The following DLST variants were observed in gnomAD, a reference collection of about 807,000 sequenced individuals.
DLST encodes dihydrolipoamide S-succinyltransferase.
Under a neutral mutation model 53.1 loss-of-function variants are expected in DLST, and 17 were observed. The observed-to-expected ratio is 0.32, with a 90% CI of 0.22 to 0.48. The LOEUF is 0.48. Ranked by LOEUF, DLST falls within the 20% of genes least tolerant of loss-of-function variation. The probability of loss-of-function intolerance (pLI) is 0.99; values close to 1 mark genes in which losing one functional copy is unlikely to be tolerated. For synonymous variants in DLST, 206 were observed against 204.8 expected, an observed-to-expected ratio of 1.01 and a Z score of -0.05; for missense variants, 512 against 583.9, an observed-to-expected ratio of 0.88 and a Z score of 1.27.
Position 74,889,140 on chromosome 14 carries a change from T to C in DLST, c.192T>C (p.Ala64=). 1.9e-6 allele frequency: 3 copies of C among 1,614,186 alleles called. No homozygotes were observed. In the South Asian group the frequency reaches 3.3e-5, roughly 18 times the overall value. Residue 64 remains alanine, a synonymous_variant, in exon 4 of 15, where the codon GCT becomes GCC. Transcript: ENST00000334220. ...VFSVRFFRTT[A]VCKDDLVTVK... ...GTGTTCGCTTTTTCAGAACTACAGCTGTATGCAGTAAGTACCTGCTTTCTT... is the reference window on the plus strand; with the variant it reads ...GTGTTCGCTTTTTCAGAACTACAGCCGTATGCAGTAAGTACCTGCTTTCTT...
intron 3 of DLST, among the ~76,000 whole-genome samples, chr14:74,886,311 A>G (rs1473047152): frequency 6.6e-6 from 1 of 152,134 alleles, no homozygotes; most frequent in Non-Finnish European, 1.5e-5. Context: ...TACTTACTCT[A>G]CATCACAATG....
intron 5 of DLST, 95 bp from the exon 6 acceptor site, chr14:74,889,802 A>G (rs1246421746): frequency 1.7e-6 from 2 of 1,203,402 alleles, no homozygotes; most frequent in East Asian, 2.4e-5. Flanking sequence ...CCCTGTAGGA[A>G]AGGGTTCTTA....
At chr14:74,900,103 G>T in intron 12 of DLST, 107 bp downstream of exon 12, 2 of 1,172,010 alleles carry the variant, frequency 1.7e-6, no homozygotes, top group Non-Finnish European at 2.5e-6. Context: ...ATTTTTAGAA[G>T]GGAGTTAGTA....
Position 74,882,004 on chromosome 14 carries a change from C to T in DLST, c.51C>T (p.Ser17=), listed in dbSNP as rs3207434. 1.3e-5 allele frequency: 21 copies of T among 1,572,070 alleles called. No individual in the cohort carries two copies. Among genetic ancestry groups the T allele is most frequent in the Non-Finnish European group, 1.7e-5 (20 of 1,167,436 alleles). ...CVSRAFSRSL[S]AFQKGNCPLG... is the part of the protein sequence containing the mutation. ...CTCGGGCGTTCAGCCGCTCGCTCTC[C>T]GCCTTCCAGAAGGTACGGTCTGGCC... is the stretch of plus-strand genomic sequence containing the variant. Residue 17 remains serine (S), a synonymous_variant, in exon 1 of 15, where the codon TCC becomes TCT. Coordinates refer to ENST00000334220, the MANE Select transcript of DLST (RefSeq NM_001933.5).
intron 7 of DLST, chr14:74,891,592 C>T: frequency 1.0e-6 from 1 of 989,616 alleles, no homozygotes; most frequent in South Asian, 4.6e-5. Context: ...AGTGTTGTTT[C>T]TTTTCACATC....
intron 8 of DLST, 59 bp downstream of exon 8, chr14:74,893,045 A>G: frequency 6.4e-7 from 1 of 1,550,642 alleles, no homozygotes; most frequent in Non-Finnish European, 8.7e-7. Flanking sequence ...ATGTTCCTTC[A>G]AAGGGTAAAC....
chr14:74,891,613 T>TA (rs1883910173), intron 7 of DLST: 4 of 987,558 alleles, frequency 4.1e-6, no homozygotes, highest in Admixed American at 1.2e-4. Context: ...TGTTCTCTCA[T>TA]ATCTCTAGGA....
At chr14:74,883,630 A>G (rs1182817570) in intron 2 of DLST, among the ~76,000 whole-genome samples, 1 of 152,218 alleles carries the variant, frequency 6.6e-6, no homozygotes, top group Non-Finnish European at 1.5e-5. Context: ...TGTGCCAAGC[A>G]TTTATATGAG....
chr14:74,895,911 T>C (rs1341907995), intron 10 of DLST, among the ~76,000 whole-genome samples: 2 of 152,114 alleles, frequency 1.3e-5, no homozygotes, highest in African/African-American at 2.4e-5. Flanking sequence ...AAAAATTATG[T>C]ATGGTGGCAT....
intron 12 of DLST, 90 bp from the exon 13 acceptor site, chr14:74,900,199 G>A: frequency 8.1e-7 from 1 of 1,230,734 alleles, no homozygotes. Context: ...GTATTCTAGG[G>A]AGGGCATACC....
At chr14:74,895,768 C>T (rs11851534) in intron 10 of DLST, among the ~76,000 whole-genome samples, 26,002 of 151,966 alleles carry the variant, frequency 0.17, 2,415 homozygotes, top group South Asian at 0.29. Flanking sequence ...GGCATGGTGG[C>T]GTATGCCTGT....
chr14:74,894,250 C>A (rs1163736019), intron 9 of DLST, 62 bp from the exon 10 acceptor site: 5 of 1,592,622 alleles, frequency 3.1e-6, no homozygotes, highest in Non-Finnish European at 4.3e-6. Context: ...TTTCTGACTA[C>A]ACGGGGAATG....
intron 10 of DLST, among the ~76,000 whole-genome samples, chr14:74,898,005 T>G (rs906224666): frequency 3.3e-5 from 5 of 152,134 alleles, no homozygotes; most frequent in Non-Finnish European, 5.9e-5. Context: ...AGATTTTGTT[T>G]ATACTTTAAA....
At position 74,902,682 on chromosome 14, in the gene DLST, C is replaced by T. The variant is rs1059326; in HGVS notation, c.*352C>T. ...TATACTATAGAGAAACCCCTGGGGA[C>T]CATGTGATTAAGTTCCTATCTTTTG... is the stretch of plus-strand genomic sequence containing the variant. On this transcript the variant is annotated 3_prime_UTR_variant, in exon 15 of 15. Coordinates refer to ENST00000334220, the MANE Select transcript of DLST (RefSeq NM_001933.5). 53,340 of 169,066 alleles carry T rather than the reference C, an allele frequency of 0.32. 8,597 individuals carry two copies. Among genetic ancestry groups the T allele is most frequent in the African/African-American group, 0.33 (13,949 of 42,240 alleles). The allele number at this position is 169,066 out of a possible 1,614,324, so 10.5% of individuals were successfully genotyped here. A position where few individuals can be genotyped will look rare whatever the true frequency, so the allele number is the denominator to read the frequency against.
chr14:74,898,591 G>C, intron 11 of DLST, 92 bp downstream of exon 11: 4 of 1,453,390 alleles, frequency 2.8e-6, no homozygotes, highest in Non-Finnish European at 3.7e-6. Flanking sequence ...AACAGACCAA[G>C]GCTTTTTATT....
chr14:74,894,189 T>C, intron 9 of DLST, 123 bp from the exon 10 acceptor site: 2 of 1,115,868 alleles, frequency 1.8e-6, no homozygotes, highest in Non-Finnish European at 2.5e-6. Context: ...CTGGAGCTCG[T>C]GTACTTAGAT....
In DLST at chr14:74,889,224, TAAA is replaced by T. The variant is rs781280966; in HGVS notation, c.200-48_200-46del. 78 of 1,605,794 alleles carry T rather than the reference TAAA, an allele frequency of 4.9e-5. No homozygotes were observed. In the South Asian group the frequency reaches 8.0e-4, roughly 17 times the overall value. ...ATTGAGTTTAATTAAAGAAAAATAT[TAAA>T]AAGGAAAAATGAACTACTTATGATT... On this transcript the variant is annotated intron_variant, in intron 4 of 14. Transcript: ENST00000334220.
chr14:74,891,360 A>T (rs901158703), intron 7 of DLST, 193 bp downstream of exon 7: 15 of 1,317,348 alleles, frequency 1.1e-5, no homozygotes, highest in Admixed American at 3.1e-5. Flanking sequence ...TGTATTTTTT[A>T]AAAAATAAAC....
intron 10 of DLST, among the ~76,000 whole-genome samples, chr14:74,894,734 A>G (rs530408005): frequency 1.8e-4 from 27 of 151,804 alleles, no homozygotes; most frequent in Non-Finnish European, 7.4e-5. Flanking sequence ...TTTTTAGTGG[A>G]GACGGGGTTT....
Sources: gnomAD v4.1 joint callset for allele counts (sites outside exome capture counted in the v4.1 genomes callset) on GRCh38, gnomAD v4.1.1 for gene constraint, MANE v1.5 for transcripts, NCBI Gene and HGNC (gene_info 2026-07-23, HGNC 2026-07-21) for gene names.